ZCCHC7: variants seen among roughly 807,000 people sequenced by gnomAD.
ZCCHC7 encodes the protein zinc finger CCHC domain-containing protein 7.
ZCCHC7 carries 35 observed loss-of-function variants against 52.0 expected under a neutral mutation model. The ratio of observed to expected loss-of-function variants is 0.67; its 90% confidence interval spans 0.51 to 0.89. The LOEUF (loss-of-function observed/expected upper bound fraction) is 0.89, where lower values mean the gene tolerates loss of function less well. Ranked by LOEUF, ZCCHC7 falls within the 40% of genes least tolerant of loss-of-function variation. ZCCHC7 has a pLI of 0.00. For missense variants in ZCCHC7, 574 were observed against 649.1 expected, an observed-to-expected ratio of 0.88 and a Z score of 1.26; for synonymous variants, 217 against 221.5, an observed-to-expected ratio of 0.98 and a Z score of 0.18.
chr9:37,132,325 A>C (rs1842818605), intron 2 of ZCCHC7, among the ~76,000 whole-genome samples: 1 of 152,228 alleles, frequency 6.6e-6, no homozygotes, highest in Non-Finnish European at 1.5e-5. Context: ...TAGTTCTAGG[A>C]GTAACTGCTA....
intron 2 of ZCCHC7, among the ~76,000 whole-genome samples, chr9:37,276,089 T>G (rs778165300): frequency 3.3e-4 from 50 of 152,216 alleles, no homozygotes; most frequent in Non-Finnish European, 1.2e-4. Context: ...GATAGTAGTA[T>G]TTTATTTTGG....
At chr9:37,140,187 C>T (rs903765268) in intron 2 of ZCCHC7, among the ~76,000 whole-genome samples, 1 of 151,908 alleles carries the variant, frequency 6.6e-6, no homozygotes, top group Non-Finnish European at 1.5e-5. Flanking sequence ...TGATTTAACA[C>T]AAATGAACTT....
At chr9:37,149,230 T>C (rs768611856) in intron 2 of ZCCHC7, among the ~76,000 whole-genome samples, 4 of 152,196 alleles carry the variant, frequency 2.6e-5, no homozygotes, top group African/African-American at 4.8e-5. Context: ...GTTCCATAAA[T>C]TGGGAGAAAC....
chr9:37,237,068 C>T (rs933356645), intron 2 of ZCCHC7, among the ~76,000 whole-genome samples: 1 of 152,134 alleles, frequency 6.6e-6, no homozygotes, highest in Admixed American at 6.5e-5. Context: ...AAAGGCAATT[C>T]TAATTGCCTT....
In ZCCHC7 at chr9:37,345,965, T is replaced by TTTTGG. The variant is rs370135658; in HGVS notation, c.988-3366_988-3362dup. Among the ~76,000 whole-genome samples the TTTTGG allele has an allele frequency of 2.8e-3, 428 of 152,134 alleles. 7 individuals carry two copies. Among genetic ancestry groups the TTTTGG allele is most frequent in the East Asian group, 0.012 (61 of 5,180 alleles). Reference sequence around the variant, plus strand: ...AAGTTGTTTGAAGTAGTTTTTTTTGTTTTGGTTTGGTTTGGTTTGGTTTGG... The same window carrying TTTTGG: ...AAGTTGTTTGAAGTAGTTTTTTTTGTTTTGGTTTGGTTTGGTTTGGTTTGGTTTGG... On this transcript the variant is annotated intron_variant, in intron 6 of 8. Coordinates refer to ENST00000336755, the MANE Select transcript of ZCCHC7 (RefSeq NM_032226.3).
intron 2 of ZCCHC7, among the ~76,000 whole-genome samples, chr9:37,132,008 C>A (rs561033155): frequency 6.6e-6 from 1 of 152,228 alleles, no homozygotes; most frequent in South Asian, 2.1e-4. Flanking sequence ...TCCTTTACTT[C>A]CTTTATTCTT....
At chr9:37,331,294 A>C (rs1223565224) in intron 6 of ZCCHC7, among the ~76,000 whole-genome samples, 2 of 151,642 alleles carry the variant, frequency 1.3e-5, no homozygotes, top group Admixed American at 1.3e-4. Flanking sequence ...GCTTATGGCC[A>C]CAGTTTGTCA....
At chr9:37,305,777 A>G in intron 5 of ZCCHC7, 63 bp downstream of exon 5, 1 of 1,571,936 alleles carries the variant, frequency 6.4e-7, no homozygotes. Context: ...TTTGTAATTA[A>G]TGTGCAAGTT....
chr9:37,335,013 A>G (rs1436566193), intron 6 of ZCCHC7, among the ~76,000 whole-genome samples: 1 of 152,104 alleles, frequency 6.6e-6, no homozygotes, highest in Non-Finnish European at 1.5e-5. Context: ...TTTTTCAATA[A>G]TCATGTAGAA....
chr9:37,205,030 A>T (rs1588476994), intron 2 of ZCCHC7: 2 of 156,022 alleles, frequency 1.3e-5, no homozygotes, highest in Middle Eastern at 3.2e-3. Context: ...TTGGGTCATG[A>T]GGGCTCTGCC....
At position 37,212,401 on chromosome 9, in the gene ZCCHC7, A is replaced by T. The variant is rs549683023; in HGVS notation, c.610+85459A>T. On this transcript the variant is annotated intron_variant, in intron 2 of 8. Transcript: ENST00000336755. Reference sequence around the variant, plus strand: ...TTATCCTAATGATTCCTTTAAAAAAATTTTTGGAGTGGGAAAATAAAGACT... The same window carrying T: ...TTATCCTAATGATTCCTTTAAAAAATTTTTTGGAGTGGGAAAATAAAGACT... Among the ~76,000 whole-genome samples, 1,286 of 152,308 alleles carry T rather than the reference A, an allele frequency of 8.4e-3. 6 individuals carry two copies. Among genetic ancestry groups the T allele is most frequent in the Non-Finnish European group, 0.011 (767 of 68,016 alleles).
chr9:37,126,484 A>T lies in ZCCHC7; in HGVS notation c.152A>T (p.Glu51Val). 2 of 1,613,704 alleles carry T rather than the reference A, an allele frequency of 1.2e-6. No homozygotes were observed. Among genetic ancestry groups the T allele is most frequent in the Non-Finnish European group, 1.7e-6 (2 of 1,180,026 alleles). The change falls in exon 2 of 9, where the codon GAG becomes GTG. Residue 51 changes from glutamate (E) to valine (V), a missense_variant. By Grantham distance (121) the Glu-to-Val change is moderately radical. Coordinates refer to ENST00000336755, the MANE Select transcript of ZCCHC7 (RefSeq NM_032226.3). Reference sequence around the variant, plus strand: ...CAAGATCTTGATGATGTCATCAGGGAGGAAGAGCATGAAGAAAAGAACTCT... The same window carrying T: ...CAAGATCTTGATGATGTCATCAGGGTGGAAGAGCATGAAGAAAAGAACTCT... The part of the protein sequence containing the change: ...YAQDLDDVIR[E>V]EEHEEKNSGN...
chr9:37,246,409 T>C (rs770181226), intron 2 of ZCCHC7, among the ~76,000 whole-genome samples: 9 of 152,178 alleles, frequency 5.9e-5, no homozygotes, highest in Non-Finnish European at 1.2e-4. Context: ...GCTCTCCATC[T>C]TTAGCATCAG....
intron 2 of ZCCHC7, among the ~76,000 whole-genome samples, chr9:37,156,967 A>G (rs962893987): frequency 3.0e-4 from 46 of 152,086 alleles, no homozygotes; most frequent in African/African-American, 1.1e-3. Flanking sequence ...GTGTTTCACA[A>G]ATATAACCTG....
At chr9:37,221,885 A>T (rs924513391) in intron 2 of ZCCHC7, among the ~76,000 whole-genome samples, 3 of 152,250 alleles carry the variant, frequency 2.0e-5, no homozygotes, top group African/African-American at 7.2e-5. Flanking sequence ...CATTTACTCA[A>T]ATATGTTGTG....
At chr9:37,229,403 T>C (rs1342275709) in intron 2 of ZCCHC7, among the ~76,000 whole-genome samples, 1 of 152,166 alleles carries the variant, frequency 6.6e-6, no homozygotes, top group African/African-American at 2.4e-5. Context: ...GTGAACATCA[T>C]GGAGTATACT....
intron 5 of ZCCHC7, chr9:37,327,422 T>G: frequency 5.5e-6 from 1 of 183,086 alleles, no homozygotes; most frequent in East Asian, 1.4e-4. Flanking sequence ...TTTTCCATCT[T>G]ACTACCAAAG....
At chr9:37,173,164 G>A (rs1286092589) in intron 2 of ZCCHC7, among the ~76,000 whole-genome samples, 2 of 152,220 alleles carry the variant, frequency 1.3e-5, no homozygotes, top group African/African-American at 4.8e-5. Context: ...AGCAACGTGG[G>A]CATGCACTAG....
intron 2 of ZCCHC7, among the ~76,000 whole-genome samples, chr9:37,177,626 A>G (rs1238906004): frequency 6.6e-6 from 1 of 152,122 alleles, no homozygotes; most frequent in Non-Finnish European, 1.5e-5. Context: ...TGAGACTAAG[A>G]GAGAACACAA....
Sources: gnomAD v4.1 joint callset for allele counts (sites outside exome capture counted in the v4.1 genomes callset) on GRCh38, gnomAD v4.1.1 for gene constraint, MANE v1.5 for transcripts, NCBI Gene and HGNC (gene_info 2026-07-23, HGNC 2026-07-21) for gene names.